PCSK5: variants seen among roughly 807,000 people sequenced by gnomAD.
The protein encoded by PCSK5 is proprotein convertase subtilisin/kexin type 5, also known as prohormone convertase 5.
A neutral mutation model predicts 233.2 loss-of-function variants in PCSK5; 129 were observed. That is an observed-to-expected ratio of 0.55 (90% confidence interval 0.48 to 0.64). The LOEUF is 0.64. Among genes scored for constraint, PCSK5 ranks in the 30% least tolerant of loss-of-function variants. PCSK5 has a pLI of 0.00. For missense variants in PCSK5, 2,076 were observed against 2,430.1 expected, an observed-to-expected ratio of 0.85 and a Z score of 3.06; for synonymous variants, 825 against 879.2, an observed-to-expected ratio of 0.94 and a Z score of 1.09.
intron 1 of PCSK5, among the ~76,000 whole-genome samples, chr9:75,904,083 C>T (rs10869665): frequency 0.31 from 46,537 of 151,868 alleles, 7,606 homozygotes; most frequent in African/African-American, 0.38. Flanking sequence ...TTGGTGCTCA[C>T]GGACCAATTT....
intron 1 of PCSK5, among the ~76,000 whole-genome samples, chr9:75,910,576 A>C (rs1822681265): frequency 6.7e-6 from 1 of 149,646 alleles, no homozygotes; most frequent in Non-Finnish European, 1.5e-5. Flanking sequence ...GAAAATACAG[A>C]GTTCTTTTTT....
intron 24 of PCSK5, among the ~76,000 whole-genome samples, chr9:76,277,460 C>T (rs1485551690): frequency 1.3e-5 from 2 of 152,090 alleles, no homozygotes; most frequent in Non-Finnish European, 1.5e-5. Context: ...TTAGAGGACT[C>T]GATAAAGACT....
At chr9:76,283,355 C>A (rs1827941114) in intron 24 of PCSK5, among the ~76,000 whole-genome samples, 1 of 152,182 alleles carries the variant, frequency 6.6e-6, no homozygotes, top group African/African-American at 2.4e-5. Context: ...CCCCAACCTT[C>A]AGAAACCACC....
intron 2 of PCSK5, among the ~76,000 whole-genome samples, chr9:75,965,022 CA>C (rs1042577151): frequency 6.6e-6 from 1 of 152,116 alleles, no homozygotes; most frequent in African/African-American, 2.4e-5. Flanking sequence ...TTTCCTATCA[CA>C]AATAAGTTGT....
At chr9:76,123,772 C>G (rs1832735810) in intron 9 of PCSK5, among the ~76,000 whole-genome samples, 1 of 152,046 alleles carries the variant, frequency 6.6e-6, no homozygotes, top group Non-Finnish European at 1.5e-5. Flanking sequence ...TGTTGATGGT[C>G]AGTTTTCTCA....
intron 2 of PCSK5, among the ~76,000 whole-genome samples, chr9:75,944,644 A>G (rs1824477130): frequency 6.6e-6 from 1 of 152,042 alleles, no homozygotes; most frequent in South Asian, 2.1e-4. Context: ...CCACATGTGT[A>G]AAGTTTGGAG....
chr9:76,097,416 C>T (rs1183348246), intron 8 of PCSK5, among the ~76,000 whole-genome samples: 28 of 144,092 alleles, frequency 1.9e-4, no homozygotes, highest in Non-Finnish European at 2.9e-5. Flanking sequence ...CCCGCCACCG[C>T]GCCCGGCTAA....
chr9:75,908,925 CTCTATCTCTCTCTCTGTCTATCTATCTA>C (rs1481528996), intron 1 of PCSK5, among the ~76,000 whole-genome samples: 394 of 103,848 alleles, frequency 3.8e-3, no homozygotes, highest in Non-Finnish European at 5.5e-3. Context: ...CTATCTATCT[CTCTATCTCTCTCTCTGTCTATCTATCTA>C]TCTATCTATC....
intron 2 of PCSK5, among the ~76,000 whole-genome samples, chr9:75,964,832 T>C (rs544419387): frequency 1.6e-4 from 25 of 152,364 alleles, no homozygotes; most frequent in African/African-American, 6.0e-4. Context: ...AAATCAACAA[T>C]TTGTTTAGGA....
At chr9:76,008,929 G>A (rs968105245) in intron 3 of PCSK5, among the ~76,000 whole-genome samples, 6 of 152,142 alleles carry the variant, frequency 3.9e-5, no homozygotes, top group Non-Finnish European at 8.8e-5. Context: ...TTTCAGATAA[G>A]CAATGAATAA....
rs754515888 is a variant in PCSK5 at position 76,308,672 on chromosome 9, ATTC to A, written c.3638_3640del (p.Ser1213del). ...ATTTTGAGAAAACTCCAGCCTTGTCATTCTTCTTGTAAAACCTGCAATGGATCT... is the reference window on the plus strand; with the variant it reads ...ATTTTGAGAAAACTCCAGCCTTGTCATTCTTGTAAAACCTGCAATGGATCT... On this transcript the variant is annotated inframe_deletion, in exon 29 of 38. Transcript: ENST00000674117. 15 of 1,609,356 alleles carry A rather than the reference ATTC, an allele frequency of 9.3e-6. No homozygotes were observed. The East Asian group carries it at 2.5e-4, about 26-fold the overall frequency.
At chr9:75,994,859 A>G (rs1360920330) in intron 3 of PCSK5, among the ~76,000 whole-genome samples, 2 of 152,216 alleles carry the variant, frequency 1.3e-5, no homozygotes, top group African/African-American at 4.8e-5. Flanking sequence ...AACACTTCTG[A>G]AAAGACTTCC....
At chr9:76,086,757 T>G (rs1587608536) in intron 7 of PCSK5, among the ~76,000 whole-genome samples, 1 of 152,184 alleles carries the variant, frequency 6.6e-6, no homozygotes, top group Non-Finnish European at 1.5e-5. Context: ...TGCATTCTGG[T>G]CCCAGCCTAG....
At chr9:76,187,454 T>C (rs1292988981) in intron 17 of PCSK5, among the ~76,000 whole-genome samples, 1 of 152,100 alleles carries the variant, frequency 6.6e-6, no homozygotes. Context: ...CTCAAACTCA[T>C]GGGCTCAAGC....
At chr9:76,199,003 GATCAAA>G (rs1311559730) in intron 20 of PCSK5, among the ~76,000 whole-genome samples, 1 of 152,142 alleles carries the variant, frequency 6.6e-6, no homozygotes, top group Non-Finnish European at 1.5e-5. Context: ...AAACTGCAAA[GATCAAA>G]ATCAAATGAT....
intron 12 of PCSK5, among the ~76,000 whole-genome samples, chr9:76,168,716 G>A (rs1196946010): frequency 6.6e-6 from 1 of 152,140 alleles, no homozygotes; most frequent in East Asian, 1.9e-4. Context: ...TCTTTTTATT[G>A]AAGCATAATT....
chr9:76,168,116 T>G (rs772337367), intron 12 of PCSK5, among the ~76,000 whole-genome samples: 1 of 152,224 alleles, frequency 6.6e-6, no homozygotes, highest in Non-Finnish European at 1.5e-5. Context: ...GGATATTTAT[T>G]TGGGTAGTCA....
At chr9:76,023,707 G>A in intron 3 of PCSK5, 31 bp from the exon 4 acceptor site, 1 of 1,564,364 alleles carries the variant, frequency 6.4e-7, no homozygotes, top group Non-Finnish European at 8.6e-7. Flanking sequence ...TCACTATTTA[G>A]TAATCTTGCA....
At chr9:76,222,032 C>G (rs1393172345) in intron 20 of PCSK5, among the ~76,000 whole-genome samples, 1 of 152,150 alleles carries the variant, frequency 6.6e-6, no homozygotes, top group Non-Finnish European at 1.5e-5. Flanking sequence ...GATGTAGAAC[C>G]CTCTTTCTAG....
Sources: gnomAD v4.1 joint callset for allele counts (sites outside exome capture counted in the v4.1 genomes callset) on GRCh38, gnomAD v4.1.1 for gene constraint, MANE v1.5 for transcripts, NCBI Gene and HGNC (gene_info 2026-07-23, HGNC 2026-07-21) for gene names.